ACOXL: variants seen among roughly 807,000 people sequenced by gnomAD.
ACOXL encodes the protein acyl-coenzyme A oxidase-like protein.
Under a neutral mutation model 71.9 loss-of-function variants are expected in ACOXL, and 70 were observed. That is an observed-to-expected ratio of 0.97 (90% confidence interval 0.80 to 1.19). The LOEUF is 1.19. ACOXL is among the 50% of genes most tolerant of loss of function. The probability of loss-of-function intolerance (pLI) is 0.00; values close to 1 mark genes in which losing one functional copy is unlikely to be tolerated. For synonymous variants in ACOXL, 253 were observed against 281.6 expected (o/e 0.90, Z 1.02); for missense variants, 703 against 736.3 (o/e 0.95, Z 0.52).
At chr2:111,065,752 T>C (rs561066375) in intron 16 of ACOXL, among the ~76,000 whole-genome samples, 1 of 152,292 alleles carries the variant, frequency 6.6e-6, no homozygotes, top group South Asian at 2.1e-4. Flanking sequence ...AAATAACGCA[T>C]GAAAAGACAT....
At chr2:110,906,073 G>T (rs911303387) in intron 10 of ACOXL, among the ~76,000 whole-genome samples, 9 of 152,108 alleles carry the variant, frequency 5.9e-5, no homozygotes, top group Non-Finnish European at 1.3e-4. Context: ...GTCAGATCTG[G>T]CATCCAAAGA....
At chr2:111,027,813 C>G (rs2065085066) in intron 14 of ACOXL, among the ~76,000 whole-genome samples, 1 of 152,100 alleles carries the variant, frequency 6.6e-6, no homozygotes, top group African/African-American at 2.4e-5. Flanking sequence ...ATGTGCCTTG[C>G]TAGTTTTAAG....
chr2:111,093,038 C>G (rs1171796542), intron 17 of ACOXL, 72 bp downstream of exon 17: 1 of 1,238,142 alleles, frequency 8.1e-7, no homozygotes, highest in Admixed American at 2.0e-5. Context: ...AGAAAACAGT[C>G]CTGCCAATCT....
chr2:110,852,822 G>A (rs1692780434), intron 10 of ACOXL, among the ~76,000 whole-genome samples: 2 of 152,166 alleles, frequency 1.3e-5, no homozygotes, highest in African/African-American at 4.8e-5. Context: ...ATGCAGAGAA[G>A]TCCACCTATA....
At chr2:110,752,251 A>C (rs1420525147) in intron 1 of ACOXL, among the ~76,000 whole-genome samples, 1 of 152,084 alleles carries the variant, frequency 6.6e-6, no homozygotes, top group Admixed American at 6.6e-5. Context: ...CAGGTTATCC[A>C]TCTGCCTTGG....
chr2:110,816,298 A>G (rs139393119), intron 9 of ACOXL, among the ~76,000 whole-genome samples: 3 of 152,296 alleles, frequency 2.0e-5, no homozygotes, highest in East Asian at 1.9e-4. Context: ...ATGAATAAAT[A>G]TAGTGGCAAA....
chr2:110,936,305 A>T (rs1349661677), intron 12 of ACOXL, among the ~76,000 whole-genome samples: 1 of 152,076 alleles, frequency 6.6e-6, no homozygotes, highest in African/African-American at 2.4e-5. Flanking sequence ...TCTCACTGTC[A>T]CCCAAGCTGA....
intron 12 of ACOXL, among the ~76,000 whole-genome samples, chr2:110,941,907 C>T (rs764125596): frequency 3.3e-5 from 5 of 151,960 alleles, no homozygotes; most frequent in Non-Finnish European, 5.9e-5. Flanking sequence ...AGTAAGCATA[C>T]GGATAAATAC....
intron 10 of ACOXL, among the ~76,000 whole-genome samples, chr2:110,847,811 G>A (rs906408991): frequency 2.0e-5 from 3 of 152,308 alleles, no homozygotes; most frequent in African/African-American, 2.4e-5. Context: ...CAGTGTGACC[G>A]TCCTGAGCTA....
At chr2:111,027,322 ATTCT>A (rs2065059134) in intron 14 of ACOXL, among the ~76,000 whole-genome samples, 1 of 136,962 alleles carries the variant, frequency 7.3e-6, no homozygotes, top group South Asian at 2.5e-4. Context: ...AAAGAAAATT[ATTCT>A]TTTTTTTTTT....
chr2:111,001,213 T>A (rs950613529), intron 14 of ACOXL, among the ~76,000 whole-genome samples: 4 of 152,196 alleles, frequency 2.6e-5, no homozygotes, highest in African/African-American at 9.7e-5. Context: ...CAAAGAGATT[T>A]GTGGGTGTGG....
intron 10 of ACOXL, among the ~76,000 whole-genome samples, chr2:110,863,003 G>A (rs1694141675): frequency 6.6e-6 from 1 of 152,164 alleles, no homozygotes; most frequent in Non-Finnish European, 1.5e-5. Context: ...ATTTCCCTGA[G>A]TAACCGAGTA....
chr2:110,903,171 T>G (rs1015906477), intron 10 of ACOXL, among the ~76,000 whole-genome samples: 1 of 152,150 alleles, frequency 6.6e-6, no homozygotes, highest in Non-Finnish European at 1.5e-5. Context: ...TGGGAAGTAA[T>G]TATCTTTTTA....
intron 11 of ACOXL, among the ~76,000 whole-genome samples, chr2:110,915,720 A>C (rs1661269207): frequency 6.6e-6 from 1 of 151,910 alleles, no homozygotes; most frequent in Non-Finnish European, 1.5e-5. Flanking sequence ...GAGCCACTGT[A>C]CCTGGCCATA....
At chr2:110,889,874 T>C (rs1697744465) in intron 10 of ACOXL, among the ~76,000 whole-genome samples, 2 of 152,180 alleles carry the variant, frequency 1.3e-5, no homozygotes, top group Non-Finnish European at 2.9e-5. Context: ...GTTTAACATT[T>C]TGAGGAACTA....
In ACOXL at chr2:111,031,496, A is replaced by G; in HGVS notation, c.1282-131A>G. 5 of 737,248 alleles carry G rather than the reference A, an allele frequency of 6.8e-6. No homozygotes were observed. The South Asian group carries it at 8.4e-5, about 12-fold the overall frequency. The allele number at this position is 737,248 out of a possible 1,614,324, so 45.7% of individuals were successfully genotyped here. On this transcript the variant is annotated intron_variant, in intron 14 of 17. Coordinates refer to ENST00000439055, the MANE Select transcript of ACOXL (RefSeq NM_001142807.4). ...TTTTGCAGGTCACAGAGGCCAGCCT[A>G]CAGAAGGTTCTGCACTGTGTCCATG...
At chr2:111,008,681 T>C (rs2063990919) in intron 14 of ACOXL, among the ~76,000 whole-genome samples, 1 of 152,166 alleles carries the variant, frequency 6.6e-6, no homozygotes, top group Admixed American at 6.5e-5. Flanking sequence ...ATTTGTAGTT[T>C]TGTTAGGTAT....
At chr2:110,928,133 A>C (rs1450132562) in intron 11 of ACOXL, among the ~76,000 whole-genome samples, 2 of 152,150 alleles carry the variant, frequency 1.3e-5, no homozygotes, top group Admixed American at 1.3e-4. Context: ...CTATCTTTCA[A>C]CTGGATTCAC....
At chr2:111,050,579 A>G (rs1408722987) in intron 16 of ACOXL, among the ~76,000 whole-genome samples, 1 of 151,602 alleles carries the variant, frequency 6.6e-6, no homozygotes, top group African/African-American at 2.4e-5. Flanking sequence ...TCTTCCCTCT[A>G]TCCTGTGTTT....
Sources: allele counts gnomAD v4.1 joint callset (sites outside exome capture counted in the v4.1 genomes callset), GRCh38; gene constraint gnomAD v4.1.1; transcripts MANE v1.5; gene names NCBI Gene and HGNC (gene_info 2026-07-23, HGNC 2026-07-21).